COL25A1: variants seen among roughly 807,000 people sequenced by gnomAD.
COL25A1 encodes collagen type XXV alpha 1 chain.
In COL25A1, 103 loss-of-function variants were observed where a neutral mutation model predicts 128.4. The observed-to-expected ratio is 0.80, with a 90% CI of 0.68 to 0.94. The LOEUF is 0.94. COL25A1 is among the 40% of genes least tolerant of loss of function. The pLI is 0.00. For synonymous variants in COL25A1, 279 were observed against 277.2 expected (o/e 1.01, Z -0.06); for missense variants, 745 against 840.0 (o/e 0.89, Z 1.40).
intron 18 of COL25A1, among the ~76,000 whole-genome samples, chr4:108,888,908 T>C (rs920811329): frequency 2.0e-5 from 3 of 152,170 alleles, no homozygotes; most frequent in African/African-American, 4.8e-5. Flanking sequence ...GATAGAAACA[T>C]GCAGATTACC....
chr4:109,234,418 A>G (rs1779341549), intron 3 of COL25A1, among the ~76,000 whole-genome samples: 1 of 152,142 alleles, frequency 6.6e-6, no homozygotes, highest in Non-Finnish European at 1.5e-5. Context: ...TTCTCTGTTG[A>G]CAATTGTTAA....
Position 108,950,169 on chromosome 4 carries a change from G to A in COL25A1, c.493-8732C>T, listed in dbSNP as rs143418272. Among the ~76,000 whole-genome samples the A allele has an allele frequency of 2.0e-3, 309 of 152,242 alleles. 1 individual carries two copies. The highest frequency in any genetic ancestry group is 6.8e-3 in the Middle Eastern group (2 of 294). On this transcript the variant is annotated intron_variant, in intron 8 of 37. Coordinates refer to ENST00000399132, the MANE Select transcript of COL25A1 (RefSeq NM_198721.4). ...AGGGCCTCAGAGGAGGCATGAGGAGGCAGAGTGCAAGACATAACTTGTCTA... is the reference window on the plus strand; with the variant it reads ...AGGGCCTCAGAGGAGGCATGAGGAGACAGAGTGCAAGACATAACTTGTCTA...
chr4:109,265,140 G>C (rs376747623), intron 3 of COL25A1, among the ~76,000 whole-genome samples: 103 of 152,258 alleles, frequency 6.8e-4, no homozygotes, highest in African/African-American at 2.3e-3. Flanking sequence ...TTAGTAAGCT[G>C]AGCAAAGTTC....
At chr4:109,209,010 T>C (rs1777275417) in intron 3 of COL25A1, among the ~76,000 whole-genome samples, 1 of 152,230 alleles carries the variant, frequency 6.6e-6, no homozygotes, top group African/African-American at 2.4e-5. Context: ...TTTCATTATA[T>C]TCACTGAATA....
intron 3 of COL25A1, among the ~76,000 whole-genome samples, chr4:109,170,164 A>G (rs1434823201): frequency 6.6e-6 from 1 of 152,160 alleles, no homozygotes; most frequent in East Asian, 1.9e-4. Context: ...CAAGGAGAAA[A>G]TTAAACAGTA....
rs1022207785 is a variant in COL25A1 at position 109,190,001 on chromosome 4, C to T, written c.367+110582G>A. 4.0e-5 allele frequency among the ~76,000 whole-genome samples: 6 copies of T among 151,386 alleles called. No homozygotes were observed. In the East Asian group the frequency reaches 7.8e-4, roughly 20 times the overall value. On this transcript the variant is annotated intron_variant, in intron 3 of 37. Transcript: ENST00000399132. ...TATGTTTTAAAATAACTAACAAAGC[C>T]GAGATAGAAATAAATGAGGAGAAGC...
intron 3 of COL25A1, among the ~76,000 whole-genome samples, chr4:109,229,584 G>T (rs1474120012): frequency 6.6e-6 from 1 of 152,164 alleles, no homozygotes; most frequent in African/African-American, 2.4e-5. Flanking sequence ...GTTAAGCACT[G>T]TGTTTGAACC....
intron 8 of COL25A1, among the ~76,000 whole-genome samples, chr4:108,944,490 A>T (rs1486721803): frequency 1.3e-5 from 2 of 152,212 alleles, no homozygotes; most frequent in Non-Finnish European, 2.9e-5. Flanking sequence ...TCTATGAGGG[A>T]TCAGAATCTT....
intron 19 of COL25A1, among the ~76,000 whole-genome samples, chr4:108,883,558 T>A (rs932284103): frequency 6.6e-6 from 1 of 151,948 alleles, no homozygotes; most frequent in African/African-American, 2.4e-5. Flanking sequence ...AAACATTTTT[T>A]AAAATGTTTT....
chr4:108,978,078 C>T (rs1752609854), intron 6 of COL25A1, among the ~76,000 whole-genome samples: 1 of 152,212 alleles, frequency 6.6e-6, no homozygotes, highest in Non-Finnish European at 1.5e-5. Context: ...ATGCCAAATC[C>T]ACGTATCAAC....
chr4:109,152,649 A>C (rs1306097026), intron 3 of COL25A1, among the ~76,000 whole-genome samples: 1 of 152,226 alleles, frequency 6.6e-6, no homozygotes, highest in East Asian at 1.9e-4. Flanking sequence ...GAAAAACCAA[A>C]TGTGGTATAT....
intron 3 of COL25A1, among the ~76,000 whole-genome samples, chr4:109,071,068 A>G (rs900129891): frequency 4.6e-5 from 7 of 152,204 alleles, no homozygotes; most frequent in African/African-American, 1.7e-4. Context: ...TACAGTAACC[A>G]AAACAACATG....
At chr4:109,250,642 A>G (rs1274732463) in intron 3 of COL25A1, among the ~76,000 whole-genome samples, 1 of 152,102 alleles carries the variant, frequency 6.6e-6, no homozygotes, top group East Asian at 1.9e-4. Context: ...CCCTTATTCT[A>G]CCTTTTTGTT....
rs566337449 is a variant in COL25A1, at chr4:109,261,949, G to A, written c.367+38634C>T. 1.7e-4 allele frequency among the ~76,000 whole-genome samples: 26 copies of A among 151,524 alleles called. 1 individual carries two copies. The South Asian group carries it at 2.3e-3, about 13-fold the overall frequency. On this transcript the variant is annotated intron_variant, in intron 3 of 37. Coordinates refer to ENST00000399132, the MANE Select transcript of COL25A1 (RefSeq NM_198721.4). ...CCTGACCTCGTGATCTGCCTTTCTC[G>A]GCCTCCCAAAGTGCTGGGATTACAG...
chr4:108,923,771 TC>T (rs1745730689), intron 11 of COL25A1, among the ~76,000 whole-genome samples: 1 of 152,316 alleles, frequency 6.6e-6, no homozygotes, highest in South Asian at 2.1e-4. Flanking sequence ...AGTCAATTGT[TC>T]TAGTGATTCA....
intron 5 of COL25A1, among the ~76,000 whole-genome samples, chr4:109,014,666 A>G (rs1479962717): frequency 6.6e-6 from 1 of 152,250 alleles, no homozygotes; most frequent in Non-Finnish European, 1.5e-5. Flanking sequence ...AAAAACTGAC[A>G]TCTATATAGG....
intron 31 of COL25A1, among the ~76,000 whole-genome samples, chr4:108,835,005 A>G (rs1733614745): frequency 6.6e-6 from 1 of 152,216 alleles, no homozygotes; most frequent in African/African-American, 2.4e-5. Flanking sequence ...ACTTCTAGGA[A>G]AGGGAAAAAG....
chr4:109,173,448 A>C (rs1773781919), intron 3 of COL25A1, among the ~76,000 whole-genome samples: 1 of 152,152 alleles, frequency 6.6e-6, no homozygotes, highest in African/African-American at 2.4e-5. Flanking sequence ...ATTATGGGAA[A>C]TCTTATTTTG....
chr4:109,212,923 T>C (rs1184537549), intron 3 of COL25A1, among the ~76,000 whole-genome samples: 3 of 152,062 alleles, frequency 2.0e-5, no homozygotes, highest in Non-Finnish European at 4.4e-5. Context: ...GTGACATAGG[T>C]CCCTACTTGT....
Sources: allele counts gnomAD v4.1 joint callset (sites outside exome capture counted in the v4.1 genomes callset), GRCh38; gene constraint gnomAD v4.1.1; transcripts MANE v1.5; gene names NCBI Gene and HGNC (gene_info 2026-07-23, HGNC 2026-07-21).